PKD1L1: variants seen among roughly 807,000 people sequenced by gnomAD.
The protein encoded by PKD1L1 is polycystin 1 like 1, transient receptor potential channel interacting.
In PKD1L1, 236 loss-of-function variants were observed where a neutral mutation model predicts 323.4. The ratio of observed to expected loss-of-function variants is 0.73; its 90% confidence interval spans 0.66 to 0.81. PKD1L1 has a LOEUF of 0.81. Ranked by LOEUF, PKD1L1 falls within the 40% of genes least tolerant of loss-of-function variation. The pLI is 0.00. For missense variants in PKD1L1, 3,320 were observed against 3,508.0 expected (o/e 0.95, Z 1.35); for synonymous variants, 1,344 against 1,335.0 (o/e 1.01, Z -0.15).
At chr7:47,943,352 A>G in intron 2 of PKD1L1, 44 bp downstream of exon 2, 1 of 1,473,530 alleles carries the variant, frequency 6.8e-7, no homozygotes, top group Non-Finnish European at 9.5e-7. Context: ...AAATAAAGCA[A>G]CATTCTTATC....
At chr7:47,940,030 A>C (rs1178282450) in intron 3 of PKD1L1, among the ~76,000 whole-genome samples, 163 bp downstream of exon 3, 1 of 152,242 alleles carries the variant, frequency 6.6e-6, no homozygotes, top group Non-Finnish European at 1.5e-5. Flanking sequence ...TCTGGAGCTG[A>C]ATTAAGGCTT....
At position 47,835,174 on chromosome 7, in the gene PKD1L1, G is replaced by A. The variant is rs532727281; in HGVS notation, c.6013C>T (p.Pro2005Ser). 9.4e-6 allele frequency: 15 copies of A among 1,592,068 alleles called. No individual in the cohort carries two copies. In the East Asian group the frequency reaches 3.1e-4, roughly 33 times the overall value. The change falls in exon 38 of 57, where the codon CCA (proline) becomes TCA (serine). Residue 2005 changes from proline to serine, a missense_variant. Pro to Ser is a moderately conservative substitution (Grantham distance 74). Transcript: ENST00000289672. ...VGLLCTLLAS[P>S]GAQLLSLLFR... ...AGCAGGGACAAGAGCTGGGCCCCTG[G>A]AGAAGCCAGGAGGGTACACAGGAGA...
intron 56 of PKD1L1, among the ~76,000 whole-genome samples, chr7:47,782,633 T>C (rs1317992184): frequency 2.0e-5 from 3 of 152,196 alleles, no homozygotes; most frequent in Admixed American, 6.5e-5. Flanking sequence ...CACACTGGTG[T>C]AGTGAATGAT....
At position 47,835,195 on chromosome 7, in the gene PKD1L1, G is replaced by A; in HGVS notation, c.5992C>T (p.Leu1998=). 1.9e-6 allele frequency: 3 copies of A among 1,591,728 alleles called. No homozygotes were observed. The highest frequency in any genetic ancestry group is 2.6e-6 in the Non-Finnish European group (3 of 1,174,196). The change falls in exon 38 of 57, where the codon CTG becomes TTG. Residue 1998 remains leucine (L), a synonymous_variant. Transcript: ENST00000289672. ...PTLGSFRVGL[L]CTLLASPGAQ... Reference sequence around the variant, plus strand: ...CCTGGAGAAGCCAGGAGGGTACACAGGAGACCCACCCTGAAGGATCCAAGG... The same window carrying A: ...CCTGGAGAAGCCAGGAGGGTACACAAGAGACCCACCCTGAAGGATCCAAGG...
chr7:47,889,152 C>T (rs77379749), intron 16 of PKD1L1, among the ~76,000 whole-genome samples: 8,099 of 152,026 alleles, frequency 0.053, 544 homozygotes, highest in African/African-American at 0.16. Flanking sequence ...GGGGTGCAGA[C>T]GGACATGGGC....
chr7:47,959,279 G>A, the PKD1L1 span, among the ~76,000 whole-genome samples: 10 of 151,466 alleles, frequency 6.6e-5, no homozygotes, highest in Non-Finnish European at 1.5e-4. Flanking sequence ...CTGCCTGGCC[G>A]CCCATCGTCT....
At chr7:47,871,200 T>A (rs1346293655) in intron 24 of PKD1L1, among the ~76,000 whole-genome samples, 1 of 152,156 alleles carries the variant, frequency 6.6e-6, no homozygotes, top group Non-Finnish European at 1.5e-5. Flanking sequence ...ATTCCCAGAC[T>A]GTAAGAGTGA....
intron 8 of PKD1L1, among the ~76,000 whole-genome samples, chr7:47,915,035 G>A (rs1028393766): frequency 6.6e-6 from 1 of 152,188 alleles, no homozygotes; most frequent in Non-Finnish European, 1.5e-5. Flanking sequence ...ATTAAAACTA[G>A]AAATTAATAA....
intron 3 of PKD1L1, among the ~76,000 whole-genome samples, chr7:47,939,971 C>T (rs1347988963): frequency 6.6e-6 from 1 of 152,228 alleles, no homozygotes; most frequent in Non-Finnish European, 1.5e-5. Flanking sequence ...TCCCCTACTC[C>T]TCTGGGCTGG....
chr7:47,934,057 T>G (rs912381965), intron 4 of PKD1L1, among the ~76,000 whole-genome samples: 7 of 152,260 alleles, frequency 4.6e-5, no homozygotes, highest in African/African-American at 1.7e-4. Context: ...TGATGTTAAA[T>G]GTTACTTTGT....
intron 7 of PKD1L1, among the ~76,000 whole-genome samples, chr7:47,923,860 A>C (rs1033385967): frequency 2.0e-5 from 3 of 152,110 alleles, no homozygotes; most frequent in Non-Finnish European, 4.4e-5. Context: ...AGAACACATG[A>C]GATTTGGAGT....
At chr7:47,928,624 C>T (rs976630034) in intron 7 of PKD1L1, among the ~76,000 whole-genome samples, 2 of 152,098 alleles carry the variant, frequency 1.3e-5, no homozygotes, top group African/African-American at 4.8e-5. Flanking sequence ...TAAATCCTAT[C>T]CGTAAGTGGA....
In PKD1L1 at chr7:47,853,246, A is replaced by C. The variant is rs745672341; in HGVS notation, c.4860-19T>G. On this transcript the variant is annotated intron_variant, in intron 30 of 56. Transcript: ENST00000289672. ...AGAGAATCTAGGAGATAAAAACAAA[A>C]TAGGGATTTCTCATTTTTTTCTTCT... The C allele has an allele frequency of 4.6e-6, 7 of 1,507,340 alleles. No homozygotes were observed. The Admixed American group carries it at 1.2e-4, about 26-fold the overall frequency. The allele number at this position is 1,507,340 out of a possible 1,614,324, so 93.4% of individuals were successfully genotyped here.
intron 22 of PKD1L1, among the ~76,000 whole-genome samples, chr7:47,876,830 T>C (rs1234574987): frequency 6.6e-6 from 1 of 152,058 alleles, no homozygotes; most frequent in Non-Finnish European, 1.5e-5. Context: ...CCCAGGCTGC[T>C]GTGCAATGGC....
intron 48 of PKD1L1, 82 bp from the exon 49 acceptor site, chr7:47,813,375 CAT>C (rs1265671992): frequency 1.4e-6 from 2 of 1,426,142 alleles, no homozygotes; most frequent in African/African-American, 1.4e-5. Context: ...GGCCTGGCCA[CAT>C]GTGAACACCT....
intron 42 of PKD1L1, 27 bp downstream of exon 42, chr7:47,831,190 G>A: frequency 6.2e-7 from 1 of 1,602,158 alleles, no homozygotes; most frequent in Non-Finnish European, 8.5e-7. Context: ...GAGGACCTGA[G>A]GATGTTTGAA....
At chr7:47,791,315 A>C (rs1001505322) in intron 56 of PKD1L1, among the ~76,000 whole-genome samples, 1 of 152,064 alleles carries the variant, frequency 6.6e-6, no homozygotes, top group African/African-American at 2.4e-5. Flanking sequence ...CAAATATGTC[A>C]TCCATATAGT....
chr7:47,819,915 C>T (rs750248981), intron 46 of PKD1L1: 9 of 248,180 alleles, frequency 3.6e-5, no homozygotes, highest in Non-Finnish European at 6.2e-5. Context: ...AATTGAATTA[C>T]TTAGTCAAAG....
chr7:47,954,397 T>C, the PKD1L1 span, among the ~76,000 whole-genome samples: 1 of 152,172 alleles, frequency 6.6e-6, no homozygotes, highest in South Asian at 2.1e-4. Flanking sequence ...AGTGATGAAG[T>C]CACAAGGACT....
Sources: allele counts gnomAD v4.1 joint callset (sites outside exome capture counted in the v4.1 genomes callset), GRCh38; gene constraint gnomAD v4.1.1; transcripts MANE v1.5; gene names NCBI Gene and HGNC (gene_info 2026-07-23, HGNC 2026-07-21).